The following NSL1 variants were observed in gnomAD, a reference collection of about 807,000 sequenced individuals.
The protein encoded by NSL1 is kinetochore-associated protein NSL1 homolog.
In NSL1, 11 loss-of-function variants were observed where a neutral mutation model predicts 25.4. That is an observed-to-expected ratio of 0.43 (90% CI 0.27 to 0.72). The LOEUF is 0.72. Among genes scored for constraint, NSL1 ranks in the 30% least tolerant of loss-of-function variants. The pLI, the probability that NSL1 is intolerant of heterozygous loss-of-function variation, is 0.19. For synonymous variants in NSL1, 118 were observed against 120.6 expected (o/e 0.98, Z 0.14); for missense variants, 330 against 342.7 (o/e 0.96, Z 0.29).
chr1:212,735,320 C>A lies in NSL1; in HGVS notation c.*3088G>T, dbSNP rs1658188260. ...TCTGACTTTTGATCCGAGTAGGTGTCCAACTGTATGTGTTGAACAGATGAA... is the reference window on the plus strand; with the variant it reads ...TCTGACTTTTGATCCGAGTAGGTGTACAACTGTATGTGTTGAACAGATGAA... On this transcript the variant is annotated 3_prime_UTR_variant, in exon 6 of 6. Transcript: ENST00000366977. 1.0e-6 allele frequency: 1 copy of A among 985,132 alleles called. No individual in the cohort carries two copies. Among genetic ancestry groups the A allele is most frequent in the African/African-American group, 1.7e-5 (1 of 57,176 alleles). The allele number at this position is 985,132 out of a possible 1,614,324, so 61.0% of individuals were successfully genotyped here.
chr1:212,766,647 A>C (rs944776488), intron 4 of NSL1, among the ~76,000 whole-genome samples: 1 of 146,784 alleles, frequency 6.8e-6, no homozygotes, highest in Non-Finnish European at 1.5e-5. Flanking sequence ...CTCCATCTTA[A>C]AAAAAAAAAA....
intron 4 of NSL1, among the ~76,000 whole-genome samples, chr1:212,767,643 G>A (rs536402924): frequency 6.6e-6 from 1 of 152,266 alleles, no homozygotes; most frequent in African/African-American, 2.4e-5. Flanking sequence ...AACCCACAGA[G>A]TGGGAGAAAA....
At chr1:212,741,469 AC>A (rs1456329228) in intron 4 of NSL1, among the ~76,000 whole-genome samples, 2 of 152,106 alleles carry the variant, frequency 1.3e-5, no homozygotes, top group Non-Finnish European at 2.9e-5. Flanking sequence ...CCCCCTTGGT[AC>A]TGTGTTATGA....
At chr1:212,774,131 G>C (rs1016436176) in intron 4 of NSL1, among the ~76,000 whole-genome samples, 8 of 151,874 alleles carry the variant, frequency 5.3e-5, no homozygotes, top group African/African-American at 1.9e-4. Flanking sequence ...GAATTATTTG[G>C]GTAAAGACAT....
chr1:212,782,845 TACCACCAC>T (rs542091048), intron 3 of NSL1, among the ~76,000 whole-genome samples: 662 of 152,296 alleles, frequency 4.3e-3, no homozygotes, highest in Non-Finnish European at 5.2e-3. Context: ...GAGGCTACAT[TACCACCAC>T]ACTAAGCCTA....
rs1480404175 is a variant in NSL1, at chr1:212,728,946, T to C, written c.*9462A>G. 2.0e-6 allele frequency: 2 copies of C among 985,262 alleles called. No individual in the cohort carries two copies. Among genetic ancestry groups the C allele is most frequent in the African/African-American group, 3.5e-5 (2 of 57,210 alleles). The allele number at this position is 985,262 out of a possible 1,614,324, so 61.0% of individuals were successfully genotyped here. A position where few individuals can be genotyped will look rare whatever the true frequency, so the allele number is the denominator to read the frequency against. ...TTTGTGTGTTTGAACGTTTGTTCCC[T>C]TTGAATATGAAAGAAAAAGAAATGA... On this transcript the variant is annotated 3_prime_UTR_variant, in exon 6 of 6. Transcript: ENST00000366977.
At chr1:212,770,709 C>T (rs1185726803) in intron 4 of NSL1, among the ~76,000 whole-genome samples, 1 of 152,136 alleles carries the variant, frequency 6.6e-6, no homozygotes, top group Non-Finnish European at 1.5e-5. Context: ...AACAGTATTA[C>T]CCTAATACTA....
Position 212,730,569 on chromosome 1 carries a change from T to C in NSL1, c.*7839A>G, listed in dbSNP as rs372092043. The C allele has an allele frequency of 7.9e-4, 780 of 985,234 alleles. 5 individuals are homozygous for C. The South Asian group carries it at 0.011, about 14-fold the overall frequency. The allele number at this position is 985,234 out of a possible 1,614,324, so 61.0% of individuals were successfully genotyped here. Reference sequence around the variant, plus strand: ...GGAGCAGAAGACCTGCAGGGAGAAGTTGAATTTTCTTCTCTAGCTATCCCA... The same window carrying C: ...GGAGCAGAAGACCTGCAGGGAGAAGCTGAATTTTCTTCTCTAGCTATCCCA... On this transcript the variant is annotated 3_prime_UTR_variant, in exon 6 of 6. Transcript: ENST00000366977.
At chr1:212,747,969 T>G (rs1178364060) in intron 4 of NSL1, among the ~76,000 whole-genome samples, 1 of 152,204 alleles carries the variant, frequency 6.6e-6, no homozygotes, top group Non-Finnish European at 1.5e-5. Context: ...TTTCACCGTG[T>G]TGGTCAGGCT....
At chr1:212,770,037 G>A (rs1364582571) in intron 4 of NSL1, among the ~76,000 whole-genome samples, 1 of 152,048 alleles carries the variant, frequency 6.6e-6, no homozygotes, top group East Asian at 1.9e-4. Flanking sequence ...CAAAAGTGAG[G>A]GGGAGTAGCT....
At chr1:212,785,406 A>T (rs1300295745) in intron 2 of NSL1, among the ~76,000 whole-genome samples, 1 of 151,974 alleles carries the variant, frequency 6.6e-6, no homozygotes, top group African/African-American at 2.4e-5. Context: ...TGTGTTACAT[A>T]TGTATACATG....
At chr1:212,742,990 T>G (rs1658572724) in intron 4 of NSL1, among the ~76,000 whole-genome samples, 2 of 152,230 alleles carry the variant, frequency 1.3e-5, no homozygotes, top group African/African-American at 4.8e-5. Context: ...TCCATCAGCT[T>G]TGCTGCTTTT....
At chr1:212,764,010 G>A (rs754859470) in intron 4 of NSL1, 24 of 439,622 alleles carry the variant, frequency 5.5e-5, no homozygotes, top group Non-Finnish European at 8.7e-5. Context: ...CAGTCTCCAA[G>A]ATAGGTGATA....
chr1:212,791,475 C>A (rs1473249337), intron 1 of NSL1, 55 bp downstream of exon 1: 3 of 1,487,546 alleles, frequency 2.0e-6, no homozygotes, highest in South Asian at 2.4e-5. Context: ...ATCCTAAGAT[C>A]CTGGGTGTTG....
chr1:212,756,410 G>A (rs546366015), intron 4 of NSL1, among the ~76,000 whole-genome samples: 6 of 152,240 alleles, frequency 3.9e-5, no homozygotes, highest in African/African-American at 1.2e-4. Flanking sequence ...GCATCCGGCC[G>A]ACTTTGGTTT....
intron 4 of NSL1, among the ~76,000 whole-genome samples, chr1:212,766,841 AAAAC>A (rs763181937): frequency 3.3e-5 from 5 of 152,218 alleles, no homozygotes; most frequent in Middle Eastern, 3.4e-3. Context: ...AACAGCTGCA[AAAAC>A]AAACAAACAA....
intron 2 of NSL1, among the ~76,000 whole-genome samples, chr1:212,784,937 C>CG (rs1435829454): frequency 1.3e-5 from 2 of 151,636 alleles, no homozygotes; most frequent in Non-Finnish European, 2.9e-5. Flanking sequence ...AAAAGTGGTA[C>CG]GGGAAAAAAG....
At position 212,732,713 on chromosome 1, in the gene NSL1, GCTT is replaced by G; in HGVS notation, c.*5692_*5694del. ...TAGTTTCCCAGATCCCATGGCTGCT[GCTT>G]TTTTGGTTTACCCTTTGGAATAGAG... On this transcript the variant is annotated 3_prime_UTR_variant, in exon 6 of 6. Coordinates refer to ENST00000366977, the MANE Select transcript of NSL1 (RefSeq NM_015471.4). The G allele has an allele frequency of 2.1e-6, 2 of 952,778 alleles. No homozygotes were observed. The highest frequency in any genetic ancestry group is 2.5e-6 in the Non-Finnish European group (2 of 800,136). The allele number at this position is 952,778 out of a possible 1,614,324, so 59.0% of individuals were successfully genotyped here. A position where few individuals can be genotyped will look rare whatever the true frequency, so the allele number is the denominator to read the frequency against.
chr1:212,738,416 C>A lies in NSL1; in HGVS notation c.838G>T (p.Asp280Tyr), dbSNP rs764536576. 51 of 1,610,480 alleles carry A rather than the reference C, an allele frequency of 3.2e-5. No individual in the cohort carries two copies. The highest frequency in any genetic ancestry group is 4.1e-5 in the Non-Finnish European group (48 of 1,178,696). The change falls in exon 6 of 6, where the codon GAT becomes TAT. Residue 280 changes from aspartate to tyrosine, a missense_variant. By Grantham distance (160) the Asp-to-Tyr change is radical (BLOSUM62 -3). Coordinates refer to ENST00000366977, the MANE Select transcript of NSL1 (RefSeq NM_015471.4). ...AAATAAACAGAAAGAGCTCATGTAT[C>A]AAGATTAATTTTCTTTGGCCGCAAT... ...YPLRPKKINL[D>Y]T
Sources: allele counts gnomAD v4.1 joint callset (sites outside exome capture counted in the v4.1 genomes callset), GRCh38; gene constraint gnomAD v4.1.1; transcripts MANE v1.5; gene names NCBI Gene and HGNC (gene_info 2026-07-23, HGNC 2026-07-21).